PLCH1: variants seen among roughly 807,000 people sequenced by gnomAD.
PLCH1 encodes 1-phosphatidylinositol 4,5-bisphosphate phosphodiesterase eta-1.
PLCH1 carries 60 observed loss-of-function variants against 126.7 expected under a neutral mutation model. The ratio of observed to expected loss-of-function variants is 0.47; its 90% confidence interval spans 0.38 to 0.59. The LOEUF (loss-of-function observed/expected upper bound fraction) is 0.59. Among genes scored for constraint, PLCH1 ranks in the 20% least tolerant of loss-of-function variants. The probability of loss-of-function intolerance (pLI) is 0.00; values close to 1 mark genes in which losing one functional copy is unlikely to be tolerated. For missense variants in PLCH1, 1,723 were observed against 2,040.0 expected (o/e 0.84, Z 2.99); for synonymous variants, 719 against 734.9 (o/e 0.98, Z 0.35).
chr3:155,608,338 C>T (rs1049530751), intron 2 of PLCH1, among the ~76,000 whole-genome samples: 2 of 152,144 alleles, frequency 1.3e-5, no homozygotes, highest in Non-Finnish European at 2.9e-5. Context: ...GAGGGACAAA[C>T]AGAAATTGCT....
chr3:155,686,568 A>G (rs1744964180), intron 2 of PLCH1, among the ~76,000 whole-genome samples: 1 of 152,072 alleles, frequency 6.6e-6, no homozygotes, highest in African/African-American at 2.4e-5. Flanking sequence ...TTGCTCAGGG[A>G]CTCAGTTGTC....
chr3:155,453,069 T>A (rs1323497773), intron 21 of PLCH1, among the ~76,000 whole-genome samples: 1 of 152,186 alleles, frequency 6.6e-6, no homozygotes, highest in Non-Finnish European at 1.5e-5. Flanking sequence ...ATGAAGCTTA[T>A]TTTCCAATAG....
chr3:155,530,043 C>T (rs769116594), intron 10 of PLCH1, among the ~76,000 whole-genome samples: 35 of 152,052 alleles, frequency 2.3e-4, no homozygotes, highest in Non-Finnish European at 4.1e-4. Flanking sequence ...TTAGCCACCA[C>T]ACCTGGCCAG....
intron 2 of PLCH1, among the ~76,000 whole-genome samples, chr3:155,603,950 T>C (rs1734057193): frequency 6.6e-6 from 1 of 151,948 alleles, no homozygotes; most frequent in African/African-American, 2.4e-5. Context: ...ATTTAAAAAA[T>C]TAACCAGGTC....
rs887788151 is a variant in PLCH1, at chr3:155,549,368, G to GT, written c.1362+418dup. 2.7e-4 allele frequency among the ~76,000 whole-genome samples: 41 copies of GT among 151,574 alleles called. No homozygotes were observed. In the South Asian group the frequency reaches 2.9e-3, roughly 11 times the overall value. ...AGACTGATCAACCATGAAGCTTTTT[G>GT]TTTTTTTTGGTTTTTTTGACAGACA... On this transcript the variant is annotated intron_variant, in intron 10 of 22. Coordinates refer to ENST00000460012, the MANE Select transcript of PLCH1 (RefSeq NM_014996.4).
At chr3:155,484,797 G>A (rs1166257063) in intron 22 of PLCH1, among the ~76,000 whole-genome samples, 3 of 152,170 alleles carry the variant, frequency 2.0e-5, no homozygotes. Flanking sequence ...CCACAACCGT[G>A]CTGAAGCTGC....
intron 1 of PLCH1, among the ~76,000 whole-genome samples, chr3:155,705,947 G>A (rs904822656): frequency 1.9e-4 from 29 of 152,064 alleles, no homozygotes; most frequent in African/African-American, 6.0e-4. Context: ...AGGCCAAGGC[G>A]GATGGATCAC....
At chr3:155,499,929 T>G (rs1188199866) in intron 14 of PLCH1, among the ~76,000 whole-genome samples, 2 of 152,238 alleles carry the variant, frequency 1.3e-5, no homozygotes, top group African/African-American at 4.8e-5. Flanking sequence ...ATATAAAGTT[T>G]AATTGAACAC....
At chr3:155,701,687 T>C (rs763473500) in intron 2 of PLCH1, among the ~76,000 whole-genome samples, 4 of 152,210 alleles carry the variant, frequency 2.6e-5, no homozygotes, top group Non-Finnish European at 4.4e-5. Flanking sequence ...ACTCAACATG[T>C]CCTGTCCCTT....
At chr3:155,654,543 G>A (rs758504898) in intron 2 of PLCH1, among the ~76,000 whole-genome samples, 4 of 151,830 alleles carry the variant, frequency 2.6e-5, no homozygotes, top group South Asian at 4.2e-4. Context: ...TTCCTCTCTC[G>A]GGCCTCTCCA....
rs761175938 is a variant in PLCH1, at chr3:155,568,185, C to A, written c.865+46G>T. On this transcript the variant is annotated intron_variant, in intron 7 of 22. Coordinates refer to ENST00000460012, the MANE Select transcript of PLCH1 (RefSeq NM_014996.4). ...AAACTTTTGCTGGAATTTAACTTAA[C>A]AGGCTGAATCAAGAAATGAGAAATA... 95 of 847,290 alleles carry A rather than the reference C, an allele frequency of 1.1e-4. 1 individual carries two copies. The South Asian group carries it at 1.4e-3, about 13-fold the overall frequency. 52.5% of individuals were successfully genotyped at this position (847,290 alleles called of 1,614,324 possible).
At chr3:155,704,358 G>T in intron 1 of PLCH1, 94 bp from the exon 2 acceptor site, 1 of 399,734 alleles carries the variant, frequency 2.5e-6, no homozygotes, top group Non-Finnish European at 4.4e-6. Flanking sequence ...CAGCATTACG[G>T]GGCAACATAT....
chr3:155,482,773 C>T lies in PLCH1; in HGVS notation c.3253G>A (p.Asp1085Asn), dbSNP rs74737650. The stretch of plus-strand genomic sequence containing the variant: ...TCTTGTGTGGGGTTAACTACAGGAT[C>T]GGGAGCCAAATGCTGCTTTGGGGAG... ...SLSPKQHLAP[D>N]PVVNPTQDLH... Residue 1085 changes from aspartate to asparagine, a missense_variant, in exon 23 of 23, where the codon GAT becomes AAT. Coordinates refer to ENST00000460012, the MANE Select transcript of PLCH1 (RefSeq NM_014996.4). 6,743 of 1,614,112 alleles carry T rather than the reference C, an allele frequency of 4.2e-3. 244 individuals are homozygous for T. In the East Asian group the frequency reaches 0.086, roughly 21 times the overall value.
At chr3:155,456,214 C>T (rs1379393358) in intron 21 of PLCH1, among the ~76,000 whole-genome samples, 1 of 152,016 alleles carries the variant, frequency 6.6e-6, no homozygotes, top group Admixed American at 6.6e-5. Flanking sequence ...GTATCCTCCT[C>T]TTCTGATCAT....
intron 21 of PLCH1, among the ~76,000 whole-genome samples, chr3:155,461,358 A>G (rs1299972942): frequency 6.6e-6 from 1 of 152,128 alleles, no homozygotes; most frequent in Non-Finnish European, 1.5e-5. Flanking sequence ...GTGAGGTAAA[A>G]CCTGAGAGCA....
At chr3:155,685,742 G>A (rs1559934608) in intron 2 of PLCH1, among the ~76,000 whole-genome samples, 1 of 152,180 alleles carries the variant, frequency 6.6e-6, no homozygotes, top group Non-Finnish European at 1.5e-5. Flanking sequence ...TAAGCAGGAT[G>A]AGCTACATAA....
At chr3:155,666,506 G>A (rs2108962698) in intron 2 of PLCH1, among the ~76,000 whole-genome samples, 1 of 152,306 alleles carries the variant, frequency 6.6e-6, no homozygotes, top group Admixed American at 6.5e-5. Context: ...ACTGGGCTAA[G>A]TGAATAGAAG....
chr3:155,500,686 TG>T lies in PLCH1; in HGVS notation c.1796+16del. ...GCCTCAGGAGTGTGAGTAGGAAACATGGAGATGCTTTCTTACCTGTACAGCT... is the reference window on the plus strand; with the variant it reads ...GCCTCAGGAGTGTGAGTAGGAAACATGAGATGCTTTCTTACCTGTACAGCT... On this transcript the variant is annotated intron_variant, in intron 14 of 22. Coordinates refer to ENST00000460012, the MANE Select transcript of PLCH1 (RefSeq NM_014996.4). 2 of 1,519,518 alleles carry T rather than the reference TG, an allele frequency of 1.3e-6. No homozygotes were observed. Among genetic ancestry groups the T allele is most frequent in the Non-Finnish European group, 1.8e-6 (2 of 1,095,014 alleles). 94.1% of individuals were successfully genotyped at this position (1,519,518 alleles called of 1,614,324 possible). A position where few individuals can be genotyped will look rare whatever the true frequency, so the allele number is the denominator to read the frequency against.
intron 2 of PLCH1, among the ~76,000 whole-genome samples, chr3:155,629,671 G>A (rs116007971): frequency 0.021 from 3,121 of 152,198 alleles, 121 homozygotes; most frequent in African/African-American, 0.072. Flanking sequence ...CAATGTCACA[G>A]CCAATATGGT....
Sources: allele counts gnomAD v4.1 joint callset (sites outside exome capture counted in the v4.1 genomes callset), GRCh38; gene constraint gnomAD v4.1.1; transcripts MANE v1.5; gene names NCBI Gene and HGNC (gene_info 2026-07-23, HGNC 2026-07-21).